Variants in ARFGEF1 observed in about 807,000 individuals in gnomAD.
The protein encoded by ARFGEF1 is ARF guanine nucleotide exchange factor 1, also known as brefeldin A-inhibited guanine nucleotide-exchange protein 1.
Under a neutral mutation model 231.0 loss-of-function variants are expected in ARFGEF1, and 42 were observed. That is an observed-to-expected ratio of 0.18 (90% CI 0.14 to 0.24). The LOEUF (loss-of-function observed/expected upper bound fraction) is 0.24. ARFGEF1 is among the 10% of genes least tolerant of loss of function. The pLI is 1.00. For synonymous variants in ARFGEF1, 710 were observed against 732.3 expected, an observed-to-expected ratio of 0.97 and a Z score of 0.49; for missense variants, 1,345 against 2,192.0, an observed-to-expected ratio of 0.61 and a Z score of 7.72.
intron 1 of ARFGEF1, among the ~76,000 whole-genome samples, chr8:67,336,516 G>A (rs914717495): frequency 6.6e-6 from 1 of 152,220 alleles, no homozygotes; most frequent in African/African-American, 2.4e-5. Flanking sequence ...TCACAGCAGA[G>A]CTATGCTACA....
intron 7 of ARFGEF1, among the ~76,000 whole-genome samples, chr8:67,279,458 C>T (rs747365197): frequency 6.6e-6 from 1 of 152,146 alleles, no homozygotes; most frequent in Non-Finnish European, 1.5e-5. Flanking sequence ...TCCCCATTAT[C>T]CAATAAACAT....
intron 15 of ARFGEF1, 24 bp from the exon 16 acceptor site, chr8:67,258,314 A>G: frequency 6.8e-7 from 1 of 1,470,376 alleles, no homozygotes; most frequent in East Asian, 2.3e-5. Flanking sequence ...AGAGATAGAA[A>G]TTGATATTTT....
At chr8:67,298,391 A>G (rs2128913614) in intron 4 of ARFGEF1, among the ~76,000 whole-genome samples, 2 of 152,344 alleles carry the variant, frequency 1.3e-5, no homozygotes, top group Middle Eastern at 3.4e-3. Flanking sequence ...AGTACGTTAC[A>G]GCACAAACTC....
chr8:67,216,291 A>G (rs1350555055), intron 33 of ARFGEF1, among the ~76,000 whole-genome samples: 1 of 152,160 alleles, frequency 6.6e-6, no homozygotes, highest in Non-Finnish European at 1.5e-5. Flanking sequence ...TAGTGCCTTA[A>G]AAAAGGACTG....
intron 5 of ARFGEF1, among the ~76,000 whole-genome samples, chr8:67,184,857 T>C (rs1207069669): frequency 6.9e-6 from 1 of 145,250 alleles, no homozygotes; most frequent in Admixed American, 7.2e-5. Context: ...CCCAGCACTT[T>C]GGGAGGCCGA....
rs964984057 is a variant in ARFGEF1, at chr8:67,232,860, T to C, written c.3375A>G (p.Val1125=). The change falls in exon 23 of 39, where the codon GTA becomes GTG. Residue 1125 remains valine (V), a synonymous_variant. Transcript: ENST00000262215. ...ETSSQSVVVA[V]DRIFTGSTRL... The stretch of plus-strand genomic sequence containing the variant: ...GAATAAAATGAATACCTTACCTATC[T>C]ACAGCAACAACAACACTCTGAGAAC... 8.1e-6 allele frequency: 13 copies of C among 1,602,702 alleles called. No individual in the cohort carries two copies. Among genetic ancestry groups the C allele is most frequent in the Non-Finnish European group, 1.1e-5 (13 of 1,171,840 alleles).
rs568852766 is a variant in ARFGEF1 at position 67,262,347 on chromosome 8, C to T, written c.2124-2421G>A. The stretch of plus-strand genomic sequence containing the variant: ...GAAGATGACACTGAATTGCTGTAAC[C>T]TCATGATCAAACTTTAACATATGAG... On this transcript the variant is annotated intron_variant, in intron 14 of 38. Coordinates refer to ENST00000262215, the MANE Select transcript of ARFGEF1 (RefSeq NM_006421.5). 1.3e-3 allele frequency among the ~76,000 whole-genome samples: 204 copies of T among 152,250 alleles called. 2 individuals carry two copies. The highest frequency in any genetic ancestry group is 4.7e-3 in the African/African-American group (197 of 41,550).
At chr8:67,325,857 G>A (rs1807809585) in intron 1 of ARFGEF1, among the ~76,000 whole-genome samples, 1 of 152,120 alleles carries the variant, frequency 6.6e-6, no homozygotes, top group African/African-American at 2.4e-5. Flanking sequence ...ACAAATTTTA[G>A]CTAATTTCAG....
intron 1 of ARFGEF1, among the ~76,000 whole-genome samples, chr8:67,331,572 A>C (rs922271917): frequency 6.6e-6 from 1 of 152,252 alleles, no homozygotes; most frequent in Admixed American, 6.5e-5. Context: ...TAAGCCACCC[A>C]GTTTACAGTA....
intron 23 of ARFGEF1, among the ~76,000 whole-genome samples, chr8:67,229,352 T>C (rs1839480909): frequency 6.6e-6 from 1 of 152,082 alleles, no homozygotes; most frequent in African/African-American, 2.4e-5. Flanking sequence ...CAACCCTTTT[T>C]TCCTACTATC....
At chr8:67,251,921 T>C (rs1840296491) in intron 18 of ARFGEF1, among the ~76,000 whole-genome samples, 1 of 152,068 alleles carries the variant, frequency 6.6e-6, no homozygotes, top group African/African-American at 2.4e-5. Context: ...AGAATACAAT[T>C]ATCAGGGAAA....
At chr8:67,240,375 G>A in intron 19 of ARFGEF1, 85 bp from the exon 20 acceptor site, 6 of 1,248,714 alleles carry the variant, frequency 4.8e-6, no homozygotes, top group Non-Finnish European at 6.5e-6. Context: ...TACAAGTTCT[G>A]AAAAAAAGAA....
chr8:67,278,459 T>C (rs1805401083), intron 7 of ARFGEF1, among the ~76,000 whole-genome samples: 1 of 152,188 alleles, frequency 6.6e-6, no homozygotes, highest in Admixed American at 6.5e-5. Context: ...CTCCAACTTT[T>C]GAGTGACTTG....
intron 14 of ARFGEF1, among the ~76,000 whole-genome samples, chr8:67,260,536 C>T (rs543339060): frequency 5.1e-4 from 78 of 152,286 alleles, no homozygotes; most frequent in South Asian, 1.0e-3. Flanking sequence ...ACACAAACCA[C>T]GTCCATATAA....
At chr8:67,192,925 T>C (rs1165074305), downstream of ARFGEF1, among the ~76,000 whole-genome samples, 1 of 152,224 alleles carries the variant, frequency 6.6e-6, no homozygotes, top group Non-Finnish European at 1.5e-5. Flanking sequence ...TTTTTTCCTT[T>C]TGTGTCCTAT....
chr8:67,341,972 T>G (rs1808651021), intron 1 of ARFGEF1, among the ~76,000 whole-genome samples: 1 of 152,192 alleles, frequency 6.6e-6, no homozygotes, highest in African/African-American at 2.4e-5. Flanking sequence ...AAAAAAAAAC[T>G]ACAGTATATT....
intron 1 of ARFGEF1, among the ~76,000 whole-genome samples, chr8:67,303,285 A>G (rs2128916833): frequency 6.6e-6 from 1 of 152,316 alleles, no homozygotes; most frequent in East Asian, 1.9e-4. Context: ...TATTTAACTC[A>G]TTTTTCTATT....
chr8:67,288,729 T>C (rs1278497786), intron 6 of ARFGEF1, among the ~76,000 whole-genome samples: 1 of 150,906 alleles, frequency 6.6e-6, no homozygotes. Context: ...CAAGACGACG[T>C]CTCAAAAAAA....
At chr8:67,311,934 T>C (rs985329174) in intron 1 of ARFGEF1, among the ~76,000 whole-genome samples, 60 of 152,262 alleles carry the variant, frequency 3.9e-4, no homozygotes, top group Middle Eastern at 6.8e-3. Context: ...ATCTGTGACC[T>C]TACCCCCAAC....
Sources: gnomAD v4.1 joint callset for allele counts (sites outside exome capture counted in the v4.1 genomes callset) on GRCh38, gnomAD v4.1.1 for gene constraint, MANE v1.5 for transcripts, NCBI Gene and HGNC (gene_info 2026-07-23, HGNC 2026-07-21) for gene names.